Variants in SYNPO2 observed in about 807,000 individuals in gnomAD.
SYNPO2 encodes synaptopodin-2.
A neutral mutation model predicts 85.0 loss-of-function variants in SYNPO2; 56 were observed. The ratio of observed to expected loss-of-function variants is 0.66; its 90% CI spans 0.53 to 0.82. The LOEUF is 0.82. Ranked by LOEUF, SYNPO2 falls within the 40% of genes least tolerant of loss-of-function variation. The pLI, the probability that SYNPO2 is intolerant of heterozygous loss-of-function variation, is 0.00. For missense variants in SYNPO2, 1,575 were observed against 1,534.2 expected, an observed-to-expected ratio of 1.03 and a Z score of -0.44; for synonymous variants, 602 against 591.1, an observed-to-expected ratio of 1.02 and a Z score of -0.27.
Position 119,057,637 on chromosome 4 carries a change from A to C in SYNPO2, c.3489A>C (p.Ala1163=). 6.2e-7 allele frequency: 1 copy of C among 1,614,172 alleles called. No homozygotes were observed. The highest frequency in any genetic ancestry group is 8.5e-7 in the Non-Finnish European group (1 of 1,180,034). The stretch of plus-strand genomic sequence containing the variant: ...CCATTGTGGCAAATGTGGTTTCAGC[A>C]GCTCGGAGGAAGGTGCTTCCAGGGC... ...QESIVANVVS[A]ARRKVLPGPP... The change falls in exon 5 of 5, where the codon GCA becomes GCC. Residue 1163 remains alanine (A), a synonymous_variant. Coordinates refer to ENST00000307142, the MANE Select transcript of SYNPO2 (RefSeq NM_133477.3).
intron 1 of SYNPO2, among the ~76,000 whole-genome samples, chr4:118,869,983 A>G (rs1404238652): frequency 1.3e-5 from 2 of 152,240 alleles, no homozygotes; most frequent in Non-Finnish European, 2.9e-5. Flanking sequence ...ACAGAAATAA[A>G]TGGAATACCT....
chr4:118,949,261 G>A (rs922463815), intron 1 of SYNPO2, among the ~76,000 whole-genome samples: 3 of 152,090 alleles, frequency 2.0e-5, no homozygotes, highest in African/African-American at 7.2e-5. Flanking sequence ...TGGGGTGGTG[G>A]CAGGAGATTA....
intron 1 of SYNPO2, among the ~76,000 whole-genome samples, chr4:118,852,121 AG>A (rs1731430148): frequency 6.6e-6 from 1 of 152,246 alleles, no homozygotes; most frequent in African/African-American, 2.4e-5. Context: ...GTATAAAAAA[AG>A]CTCAATATCA....
At chr4:119,050,082 A>C (rs1578677618) in intron 4 of SYNPO2, among the ~76,000 whole-genome samples, 1 of 152,136 alleles carries the variant, frequency 6.6e-6, no homozygotes. Context: ...ATGTAATCCC[A>C]GCACTTTAGG....
At chr4:118,931,737 T>A (rs1019903805) in intron 1 of SYNPO2, among the ~76,000 whole-genome samples, 4 of 152,188 alleles carry the variant, frequency 2.6e-5, no homozygotes, top group South Asian at 4.1e-4. Flanking sequence ...ATACAATTAA[T>A]CTCTTTCCAT....
rs200361454 is a variant in SYNPO2 at position 119,027,024 on chromosome 4, C to T, written c.655C>T (p.Pro219Ser). The change falls in exon 3 of 5, where the codon CCG becomes TCG. Residue 219 changes from proline (P) to serine (S), a missense_variant. By Grantham distance (74) the Pro-to-Ser change is moderately conservative (BLOSUM62 -1). This residue lies in a region of SYNPO2 where 1,508 missense variants were observed against 1,446.8 expected (regional missense o/e 1.04). Transcript: ENST00000307142. Reference sequence around the variant, plus strand: ...CGCTAGTGGCCCTTTAGTGGCTCTCCCGGGAGCTGAAAAATCTAAGTCTCC... The same window carrying T: ...CGCTAGTGGCCCTTTAGTGGCTCTCTCGGGAGCTGAAAAATCTAAGTCTCC... Reference protein sequence around the residue: ...KGASGPLVALPGAEKSKSPDP... With the variant: ...KGASGPLVALSGAEKSKSPDP... The T allele has an allele frequency of 9.9e-6, 16 of 1,614,068 alleles. No homozygotes were observed. The East Asian group carries it at 3.6e-4, about 36-fold the overall frequency.
At chr4:118,882,575 C>A (rs1732124578) in intron 1 of SYNPO2, among the ~76,000 whole-genome samples, 1 of 152,134 alleles carries the variant, frequency 6.6e-6, no homozygotes, top group Non-Finnish European at 1.5e-5. Context: ...TTTATCTCAT[C>A]TTCATTATCC....
intron 1 of SYNPO2, among the ~76,000 whole-genome samples, chr4:118,868,342 TATA>T (rs1731740243): frequency 6.6e-6 from 1 of 152,156 alleles, no homozygotes; most frequent in Admixed American, 6.5e-5. Context: ...TAAATTTTCT[TATA>T]ATAATAACAT....
rs1163155543 is a variant in SYNPO2 at position 119,039,987 on chromosome 4, G to A, written c.3252+7960G>A. On this transcript the variant is annotated intron_variant, in intron 4 of 4. Transcript: ENST00000307142. ...CTGAGTCCCAGGCCTGCCTCCTGCT[G>A]GTTGGGAGACTTTAAACAAAGGATT... Among the ~76,000 whole-genome samples, 3 of 152,166 alleles carry A rather than the reference G, an allele frequency of 2.0e-5. No homozygotes were observed. The East Asian group carries it at 5.8e-4, about 29-fold the overall frequency.
At chr4:118,974,417 T>C (rs954671132) in intron 1 of SYNPO2, among the ~76,000 whole-genome samples, 3 of 152,248 alleles carry the variant, frequency 2.0e-5, no homozygotes, top group African/African-American at 7.2e-5. Flanking sequence ...ACCCAGAATA[T>C]TGTGGAAAAC....
At chr4:118,891,933 T>G (rs1455958409) in intron 1 of SYNPO2, among the ~76,000 whole-genome samples, 1 of 152,206 alleles carries the variant, frequency 6.6e-6, no homozygotes, top group Non-Finnish European at 1.5e-5. Context: ...ATAACACATT[T>G]TGGCTTTTTG....
chr4:118,917,740 G>A (rs762035330), intron 1 of SYNPO2, among the ~76,000 whole-genome samples: 37 of 152,144 alleles, frequency 2.4e-4, no homozygotes, highest in Non-Finnish European at 5.0e-4. Flanking sequence ...ACGATTTTGT[G>A]TTACTAAATA....
chr4:118,887,105 C>T (rs35737996), upstream of SYNPO2, among the ~76,000 whole-genome samples: 39,600 of 151,870 alleles, frequency 0.26, 5,962 homozygotes, highest in Non-Finnish European at 0.34. Flanking sequence ...GGTTTCCTGC[C>T]ACATCCCAAA....
chr4:118,887,164 TGA>T (rs1553935336), upstream of SYNPO2, among the ~76,000 whole-genome samples: 24 of 130,976 alleles, frequency 1.8e-4, no homozygotes, highest in Admixed American at 3.1e-4. Flanking sequence ...CCCATCTGAG[TGA>T]GTGTGTGTGT....
intron 1 of SYNPO2, among the ~76,000 whole-genome samples, chr4:118,997,929 G>A (rs1578627862): frequency 6.6e-6 from 1 of 152,124 alleles, no homozygotes; most frequent in Non-Finnish European, 1.5e-5. Context: ...AACCCTCCAA[G>A]GCAAGCCCTG....
At chr4:118,928,622 C>G (rs553153418) in intron 1 of SYNPO2, among the ~76,000 whole-genome samples, 2 of 152,244 alleles carry the variant, frequency 1.3e-5, no homozygotes, top group South Asian at 4.1e-4. Flanking sequence ...AGGCCATCCC[C>G]ATGCAGATAC....
chr4:119,048,803 T>C (rs951303319), intron 4 of SYNPO2, among the ~76,000 whole-genome samples: 4 of 152,172 alleles, frequency 2.6e-5, no homozygotes, highest in African/African-American at 9.7e-5. Context: ...TGAAGTCAGA[T>C]AATGCAAGGA....
Position 119,027,350 on chromosome 4 carries a change from C to T in SYNPO2, c.981C>T (p.Ala327=), listed in dbSNP as rs752857203. The change falls in exon 3 of 5, where the codon GCC becomes GCT. Residue 327 remains alanine (A), a synonymous_variant. Coordinates refer to ENST00000307142, the MANE Select transcript of SYNPO2 (RefSeq NM_133477.3). ...CACCTCCTTCTCTGGTATCCTTTGC[C>T]GTCTCATCAGAAGGCACAGAGCAGG... ...SEAPPSLVSF[A]VSSEGTEQGE... The T allele has an allele frequency of 1.2e-6, 2 of 1,613,920 alleles. No individual in the cohort carries two copies. The highest frequency in any genetic ancestry group is 1.7e-6 in the Non-Finnish European group (2 of 1,180,016).
At chr4:119,022,877 T>A (rs1737791729) in intron 1 of SYNPO2, among the ~76,000 whole-genome samples, 2 of 151,634 alleles carry the variant, frequency 1.3e-5, no homozygotes, top group South Asian at 4.2e-4. Context: ...CCCGGGCTCA[T>A]GCAATTCTCC....
Sources: gnomAD v4.1 joint callset for allele counts (sites outside exome capture counted in the v4.1 genomes callset) on GRCh38, gnomAD v4.1.1 for gene constraint, gnomAD v4.1.1 regional missense constraint, MANE v1.5 for transcripts, NCBI Gene and HGNC (gene_info 2026-07-23, HGNC 2026-07-21) for gene names.